The following ZFP64 variants were observed in gnomAD, a reference collection of about 807,000 sequenced individuals.
ZFP64 encodes zinc finger protein 64.
ZFP64 carries 14 observed loss-of-function variants against 51.6 expected under a neutral mutation model. That is an observed-to-expected ratio of 0.27 (90% confidence interval 0.18 to 0.42). The LOEUF (loss-of-function observed/expected upper bound fraction) is 0.42, where lower values mean the gene tolerates loss of function less well. ZFP64 is among the 10% of genes least tolerant of loss of function. The pLI is 1.00. For synonymous variants in ZFP64, 375 were observed against 361.4 expected, an observed-to-expected ratio of 1.04 and a Z score of -0.43; for missense variants, 754 against 906.8, an observed-to-expected ratio of 0.83 and a Z score of 2.16.
At chr20:52,086,989 G>T (rs2078871841) in intron 8 of ZFP64, among the ~76,000 whole-genome samples, 1 of 152,116 alleles carries the variant, frequency 6.6e-6, no homozygotes, top group Admixed American at 6.5e-5. Flanking sequence ...TGGTGGCTGG[G>T]AGTAAAATCT....
intron 2 of ZFP64, among the ~76,000 whole-genome samples, chr20:52,166,715 C>T (rs909656830): frequency 1.6e-4 from 25 of 152,152 alleles, no homozygotes; most frequent in Non-Finnish European, 3.1e-4. Context: ...CTCTGCCTCC[C>T]ACATTGTTAA....
chr20:52,172,026 C>T (rs1382903615), intron 2 of ZFP64, among the ~76,000 whole-genome samples: 2 of 152,170 alleles, frequency 1.3e-5, no homozygotes, highest in African/African-American at 4.8e-5. Flanking sequence ...GGATTACAGG[C>T]GTGAGCCACC....
downstream of ZFP64, among the ~76,000 whole-genome samples, chr20:52,148,892 T>C (rs8116411): frequency 0.15 from 22,325 of 152,142 alleles, 1,973 homozygotes; most frequent in Non-Finnish European, 0.2. Flanking sequence ...GTCATTTTTA[T>C]ATGGTGACAG....
At chr20:52,141,419 A>G (rs567953209) in intron 5 of ZFP64, among the ~76,000 whole-genome samples, 2 of 152,306 alleles carry the variant, frequency 1.3e-5, no homozygotes, top group South Asian at 2.1e-4. Context: ...TGCCATGAAG[A>G]TCATTCATGA....
At chr20:52,173,760 T>G (rs935042213) in intron 2 of ZFP64, among the ~76,000 whole-genome samples, 1 of 151,976 alleles carries the variant, frequency 6.6e-6, no homozygotes, top group Non-Finnish European at 1.5e-5. Context: ...GTGATTCTCC[T>G]GCCTCAGCCT....
intron 5 of ZFP64, among the ~76,000 whole-genome samples, chr20:52,118,163 G>A (rs1226682616): frequency 6.6e-6 from 1 of 152,060 alleles, no homozygotes; most frequent in African/African-American, 2.4e-5. Flanking sequence ...GTTGAAAAGG[G>A]AAATAACCCC....
intron 5 of ZFP64, among the ~76,000 whole-genome samples, chr20:52,154,510 A>C (rs1292643805): frequency 1.3e-5 from 2 of 152,188 alleles, no homozygotes; most frequent in East Asian, 3.9e-4. Context: ...TTGCTTTCTT[A>C]GGTCATAAAC....
At chr20:52,093,437 G>A (rs1373135563) in intron 7 of ZFP64, among the ~76,000 whole-genome samples, 2 of 152,216 alleles carry the variant, frequency 1.3e-5, no homozygotes, top group African/African-American at 4.8e-5. Flanking sequence ...ACTGCGCCCA[G>A]CCATCAGGAG....
chr20:52,118,420 C>T (rs1265168335), intron 5 of ZFP64, among the ~76,000 whole-genome samples: 5 of 152,172 alleles, frequency 3.3e-5, no homozygotes, highest in Non-Finnish European at 1.5e-5. Flanking sequence ...CTTCCAGACT[C>T]CAGGGCAGGG....
At chr20:52,181,085 G>T (rs960572935) in intron 2 of ZFP64, among the ~76,000 whole-genome samples, 1 of 152,144 alleles carries the variant, frequency 6.6e-6, no homozygotes, top group Non-Finnish European at 1.5e-5. Context: ...TGGGATTACA[G>T]GCACCTGCCA....
chr20:52,100,927 A>G (rs1436632748), intron 5 of ZFP64, among the ~76,000 whole-genome samples: 2 of 152,180 alleles, frequency 1.3e-5, no homozygotes, highest in Non-Finnish European at 2.9e-5. Flanking sequence ...AGGACTACAG[A>G]TTTCACATCC....
At chr20:52,107,085 TCAAA>T (rs201350778) in intron 5 of ZFP64, among the ~76,000 whole-genome samples, 1 of 148,672 alleles carries the variant, frequency 6.7e-6, no homozygotes, top group Non-Finnish European at 1.5e-5. Context: ...AGACTCCATC[TCAAA>T]CAAACAAAAA....
At chr20:52,158,482 G>C (rs1231461153) in intron 5 of ZFP64, among the ~76,000 whole-genome samples, 1 of 152,180 alleles carries the variant, frequency 6.6e-6, no homozygotes, top group East Asian at 1.9e-4. Context: ...GAGGCGGGTG[G>C]ATTGCCTGAG....
At chr20:52,103,237 T>C (rs113575284) in intron 5 of ZFP64, among the ~76,000 whole-genome samples, 2,176 of 152,304 alleles carry the variant, frequency 0.014, 49 homozygotes, top group African/African-American at 0.049. Context: ...TCCAGCCCCT[T>C]CGTCATTTTA....
intron 5 of ZFP64, among the ~76,000 whole-genome samples, chr20:52,120,873 C>T (rs534279788): frequency 1.2e-4 from 18 of 151,956 alleles, no homozygotes; most frequent in Non-Finnish European, 2.5e-4. Context: ...GATGGGGTTT[C>T]GCCATGTTGG....
intron 2 of ZFP64, among the ~76,000 whole-genome samples, chr20:52,179,575 G>A (rs1024201853): frequency 6.6e-6 from 1 of 152,176 alleles, no homozygotes; most frequent in Non-Finnish European, 1.5e-5. Flanking sequence ...TAGAAATTGA[G>A]CAACTAATTT....
chr20:52,188,316 T>TC (rs1984121981), intron 1 of ZFP64, among the ~76,000 whole-genome samples: 1 of 111,156 alleles, frequency 9.0e-6, no homozygotes, highest in Non-Finnish European at 1.7e-5. Flanking sequence ...TTCTTTTTTT[T>TC]TTTTTTTTTT....
intron 5 of ZFP64, among the ~76,000 whole-genome samples, chr20:52,106,744 G>A (rs1978320954): frequency 6.6e-6 from 1 of 152,140 alleles, no homozygotes; most frequent in African/African-American, 2.4e-5. Flanking sequence ...AAAACACAAC[G>A]CTTCAAGTCT....
chr20:52,126,324 C>A (rs1265329448), intron 5 of ZFP64, among the ~76,000 whole-genome samples: 2 of 152,164 alleles, frequency 1.3e-5, no homozygotes, highest in Non-Finnish European at 2.9e-5. Context: ...GGTCAGACAC[C>A]TGGGAAGATG....
Sources: allele counts gnomAD v4.1 joint callset (sites outside exome capture counted in the v4.1 genomes callset), GRCh38; gene constraint gnomAD v4.1.1; transcripts MANE v1.5; gene names NCBI Gene and HGNC (gene_info 2026-07-23, HGNC 2026-07-21).